Variants in SDK1 observed in about 807,000 individuals in gnomAD.
The protein encoded by SDK1 is sidekick cell adhesion molecule 1, also known as protein sidekick-1.
SDK1 carries 157 observed loss-of-function variants against 245.5 expected under a neutral mutation model. That is an observed-to-expected ratio of 0.64 (90% CI 0.56 to 0.73). The LOEUF (loss-of-function observed/expected upper bound fraction) is 0.73, where lower values mean the gene tolerates loss of function less well. Among genes scored for constraint, SDK1 ranks in the 30% least tolerant of loss-of-function variants. The probability of loss-of-function intolerance (pLI) is 0.00; values close to 1 mark genes in which losing one functional copy is unlikely to be tolerated. For missense variants in SDK1, 3,583 were observed against 3,002.3 expected (o/e 1.19, Z -4.52); for synonymous variants, 1,647 against 1,278.5 (o/e 1.29, Z -6.15).
chr7:3,372,292 C>A (rs1422609941), intron 1 of SDK1, among the ~76,000 whole-genome samples: 2 of 152,074 alleles, frequency 1.3e-5, no homozygotes, highest in Non-Finnish European at 2.9e-5. Context: ...GAAAAGGCTC[C>A]CAAGCTAGTC....
At chr7:4,256,333 C>T (rs529133429) in intron 44 of SDK1, among the ~76,000 whole-genome samples, 1 of 152,344 alleles carries the variant, frequency 6.6e-6, no homozygotes, top group Non-Finnish European at 1.5e-5. Flanking sequence ...ATATCCTGGC[C>T]TTCATGGCTA....
chr7:4,211,070 G>A (rs1031983938), intron 38 of SDK1, among the ~76,000 whole-genome samples: 1 of 152,130 alleles, frequency 6.6e-6, no homozygotes, highest in African/African-American at 2.4e-5. Context: ...ACGGGGCTAT[G>A]GCATATCCCA....
intron 5 of SDK1, among the ~76,000 whole-genome samples, chr7:3,845,444 C>T (rs749843626): frequency 2.1e-5 from 3 of 143,870 alleles, no homozygotes; most frequent in Non-Finnish European, 3.0e-5. Context: ...GAGCCGAGAT[C>T]GCGCCACTGC....
intron 4 of SDK1, among the ~76,000 whole-genome samples, chr7:3,649,681 C>A (rs1782947363): frequency 1.3e-5 from 2 of 152,086 alleles, no homozygotes; most frequent in South Asian, 4.1e-4. Context: ...CGGTTTAGTA[C>A]TGTTATTATC....
rs535783788 is a variant in SDK1 at position 3,876,312 on chromosome 7, G to T, written c.847+54729G>T. 5.3e-5 allele frequency among the ~76,000 whole-genome samples: 8 copies of T among 152,308 alleles called. 2 individuals carry two copies. Among genetic ancestry groups the T allele is most frequent in the African/African-American group, 1.9e-4 (8 of 41,574 alleles). ...CCAGTCTTCTTTGGGGTAGAAATGT[G>T]TGACCAGCTAAAGTTTGCAAAACAA... On this transcript the variant is annotated intron_variant, in intron 5 of 44. Transcript: ENST00000404826.
At chr7:4,212,450 A>G (rs760158432) in intron 38 of SDK1, among the ~76,000 whole-genome samples, 1 of 152,142 alleles carries the variant, frequency 6.6e-6, no homozygotes, top group Non-Finnish European at 1.5e-5. Context: ...CAATCGATGG[A>G]CTTTGGTAAA....
At chr7:3,892,731 C>T (rs1297550287) in intron 5 of SDK1, among the ~76,000 whole-genome samples, 1 of 152,170 alleles carries the variant, frequency 6.6e-6, no homozygotes, top group Non-Finnish European at 1.5e-5. Flanking sequence ...GACCGGAGGC[C>T]CTCCAGTCCA....
chr7:3,921,687 C>T (rs1457153702), intron 5 of SDK1, among the ~76,000 whole-genome samples: 2 of 152,104 alleles, frequency 1.3e-5, no homozygotes, highest in Non-Finnish European at 2.9e-5. Flanking sequence ...CTCCCCGGGC[C>T]AGGCACGGTG....
chr7:3,599,427 C>T (rs1010606693), intron 1 of SDK1, among the ~76,000 whole-genome samples: 1 of 152,170 alleles, frequency 6.6e-6, no homozygotes, highest in African/African-American at 2.4e-5. Flanking sequence ...TGTCTGTCTT[C>T]TCATCTCTCC....
At chr7:3,801,762 C>A (rs1562453583) in intron 4 of SDK1, among the ~76,000 whole-genome samples, 1 of 152,200 alleles carries the variant, frequency 6.6e-6, no homozygotes, top group African/African-American at 2.4e-5. Context: ...ACACGCCCAG[C>A]CTGTCCCATT....
At chr7:3,812,329 T>C (rs867946215) in intron 4 of SDK1, among the ~76,000 whole-genome samples, 11 of 152,214 alleles carry the variant, frequency 7.2e-5, no homozygotes, top group Non-Finnish European at 1.0e-4. Flanking sequence ...GCTCTGTGAT[T>C]AAATACTGGA....
chr7:3,656,873 G>A (rs1176011198), intron 4 of SDK1, among the ~76,000 whole-genome samples: 3 of 151,276 alleles, frequency 2.0e-5, no homozygotes, highest in African/African-American at 7.3e-5. Context: ...TCAGCCTCCC[G>A]AGTAGCTGGG....
intron 5 of SDK1, among the ~76,000 whole-genome samples, chr7:3,924,114 C>T (rs1182665337): frequency 3.3e-5 from 5 of 150,608 alleles, no homozygotes; most frequent in Admixed American, 6.6e-5. Context: ...TTTGGATGAC[C>T]TAAGGGAGAT....
At chr7:4,256,378 T>C (rs753325473) in intron 44 of SDK1, among the ~76,000 whole-genome samples, 1 of 152,040 alleles carries the variant, frequency 6.6e-6, no homozygotes, top group Non-Finnish European at 1.5e-5. Context: ...TGGGAAGAAA[T>C]GTGGGCTTTG....
chr7:3,520,626 T>C (rs1167195557), intron 1 of SDK1, among the ~76,000 whole-genome samples: 1 of 152,074 alleles, frequency 6.6e-6, no homozygotes, highest in African/African-American at 2.4e-5. Context: ...TCCTTAAGAA[T>C]TCAGTTTGGC....
chr7:3,975,820 G>T (rs1451578585), intron 13 of SDK1, among the ~76,000 whole-genome samples: 1 of 152,246 alleles, frequency 6.6e-6, no homozygotes, highest in Non-Finnish European at 1.5e-5. Context: ...GGTTAGTTAG[G>T]AAGCGGCAGG....
At chr7:3,974,590 C>T (rs376780028) in intron 13 of SDK1, 45 bp downstream of exon 13, 40 of 1,574,634 alleles carry the variant, frequency 2.5e-5, no homozygotes, top group South Asian at 1.0e-4. Flanking sequence ...CGGTTTTCTC[C>T]GTTACTGTGC....
At chr7:3,839,862 A>G (rs367856724) in intron 5 of SDK1, among the ~76,000 whole-genome samples, 1 of 152,220 alleles carries the variant, frequency 6.6e-6, no homozygotes, top group Non-Finnish European at 1.5e-5. Context: ...AATTATTGTA[A>G]TATCTGTCTT....
At chr7:4,004,934 C>T (rs796293477) in intron 14 of SDK1, among the ~76,000 whole-genome samples, 1 of 151,958 alleles carries the variant, frequency 6.6e-6, no homozygotes, top group East Asian at 1.9e-4. Context: ...CCCCTTCTAC[C>T]TCCCCGCTTC....
Sources: allele counts gnomAD v4.1 joint callset (sites outside exome capture counted in the v4.1 genomes callset), GRCh38; gene constraint gnomAD v4.1.1; transcripts MANE v1.5; gene names NCBI Gene and HGNC (gene_info 2026-07-23, HGNC 2026-07-21).